SPATS2: variants seen among roughly 807,000 people sequenced by gnomAD.
The protein encoded by SPATS2 is spermatogenesis-associated serine-rich protein 2.
In SPATS2, 38 loss-of-function variants were observed where a neutral mutation model predicts 63.7. The observed-to-expected ratio is 0.60, with a 90% CI of 0.46 to 0.78. The LOEUF is 0.78. SPATS2 is among the 30% of genes least tolerant of loss of function. The probability of loss-of-function intolerance (pLI) is 0.00; values close to 1 mark genes in which losing one functional copy is unlikely to be tolerated. For synonymous variants in SPATS2, 207 were observed against 232.9 expected (o/e 0.89, Z 1.01); for missense variants, 588 against 666.2 (o/e 0.88, Z 1.29).
chr12:49,379,148 C>T (rs541722583), intron 2 of SPATS2, among the ~76,000 whole-genome samples: 2 of 150,060 alleles, frequency 1.3e-5, no homozygotes, highest in African/African-American at 4.9e-5. Flanking sequence ...TCTTGAACTC[C>T]TGACCTCATG....
At chr12:49,468,072 T>G (rs1049862943) in intron 3 of SPATS2, among the ~76,000 whole-genome samples, 6 of 151,878 alleles carry the variant, frequency 4.0e-5, no homozygotes, top group African/African-American at 1.4e-4. Context: ...TTCTCTTTTC[T>G]TTTCTCTCTT....
intron 2 of SPATS2, among the ~76,000 whole-genome samples, chr12:49,391,280 G>A (rs574970586): frequency 2.6e-5 from 4 of 152,326 alleles, no homozygotes; most frequent in Admixed American, 6.5e-5. Context: ...TTGGGAGGCC[G>A]AGGCTGGTGG....
At chr12:49,516,155 AAAAAAAAAAAAATAT>A (rs1409141942) in intron 10 of SPATS2, among the ~76,000 whole-genome samples, 2,607 of 45,846 alleles carry the variant, frequency 0.057, 360 homozygotes, top group African/African-American at 0.19. Context: ...AAAAAAAAAA[AAAAAAAAAAAAATAT>A]ATATATATAT....
chr12:49,389,501 G>T, intron 2 of SPATS2: 2 of 869,606 alleles, frequency 2.3e-6, no homozygotes, highest in Admixed American at 1.7e-5. Context: ...CTAAGAGCAG[G>T]ATATATCTTT....
chr12:49,375,268 A>G (rs1378445913), intron 2 of SPATS2, among the ~76,000 whole-genome samples: 2 of 151,536 alleles, frequency 1.3e-5, no homozygotes, highest in African/African-American at 2.4e-5. Context: ...TGAGGCCATT[A>G]TATGATTGTG....
chr12:49,428,242 G>A (rs796820591), intron 2 of SPATS2, among the ~76,000 whole-genome samples: 2 of 150,472 alleles, frequency 1.3e-5, no homozygotes, highest in African/African-American at 4.9e-5. Flanking sequence ...GCTAAGGAGC[G>A]AGACCCCGTC....
Position 49,485,712 on chromosome 12 carries a change from G to C in SPATS2, c.105+1043G>C, listed in dbSNP as rs150023504. Among the ~76,000 whole-genome samples, 71 of 151,160 alleles carry C rather than the reference G, an allele frequency of 4.7e-4. No individual in the cohort carries two copies. The South Asian group carries it at 0.012, about 26-fold the overall frequency. On this transcript the variant is annotated intron_variant, in intron 4 of 13. Transcript: ENST00000552918. ...ACCAAGTGGTTTTAGTAATGAAACCGTCAACGAGCTGTACTGAGAAAAACA... is the reference window on the plus strand; with the variant it reads ...ACCAAGTGGTTTTAGTAATGAAACCCTCAACGAGCTGTACTGAGAAAAACA...
At chr12:49,385,426 T>A (rs1159682549) in intron 2 of SPATS2, among the ~76,000 whole-genome samples, 1 of 149,910 alleles carries the variant, frequency 6.7e-6, no homozygotes, top group African/African-American at 2.5e-5. Context: ...CAGATTCAGA[T>A]GTAGTGAGGG....
chr12:49,395,210 G>A (rs1944488019), intron 2 of SPATS2, among the ~76,000 whole-genome samples: 1 of 151,110 alleles, frequency 6.6e-6, no homozygotes. Context: ...TGTTCCCCAG[G>A]CTAGTCTCAA....
intron 2 of SPATS2, among the ~76,000 whole-genome samples, chr12:49,408,322 G>A (rs562520227): frequency 3.4e-5 from 5 of 148,926 alleles, no homozygotes; most frequent in Admixed American, 6.8e-5. Flanking sequence ...GCACAATCTC[G>A]GCTCACTGCA....
At chr12:49,507,915 C>G (rs1204666735) in intron 9 of SPATS2, among the ~76,000 whole-genome samples, 1 of 152,190 alleles carries the variant, frequency 6.6e-6, no homozygotes, top group Admixed American at 6.5e-5. Context: ...ATAATAATTG[C>G]TGCCGCTATT....
At chr12:49,490,928 G>A in intron 6 of SPATS2, 197 bp downstream of exon 6, 1 of 516,248 alleles carries the variant, frequency 1.9e-6, no homozygotes, top group Non-Finnish European at 3.4e-6. Context: ...GATCACTTGA[G>A]GTCAGTGGTT....
In SPATS2 at chr12:49,526,691, T is replaced by C. The variant is rs1239765387; in HGVS notation, c.*436T>C. ...GCAATCAGGGGGTTGTATACTGCAC[T>C]GGATTCGCCAGAGAAGGGAAAATTT... is the stretch of plus-strand genomic sequence containing the variant. On this transcript the variant is annotated 3_prime_UTR_variant, in exon 14 of 14. Transcript: ENST00000552918. 1 of 160,816 alleles carries C rather than the reference T, an allele frequency of 6.2e-6. No individual in the cohort carries two copies. Among genetic ancestry groups the C allele is most frequent in the African/African-American group, 2.4e-5 (1 of 41,556 alleles). 10.0% of individuals were successfully genotyped at this position (160,816 alleles called of 1,614,324 possible).
At chr12:49,419,201 G>A (rs894572292) in intron 2 of SPATS2, among the ~76,000 whole-genome samples, 4 of 152,198 alleles carry the variant, frequency 2.6e-5, no homozygotes, top group Non-Finnish European at 4.4e-5. Context: ...AATATTTAAT[G>A]CATGATATGC....
At chr12:49,519,467 C>T (rs1255117477) in intron 11 of SPATS2, among the ~76,000 whole-genome samples, 1 of 152,146 alleles carries the variant, frequency 6.6e-6, no homozygotes, top group African/African-American at 2.4e-5. Context: ...TCCACCACCA[C>T]CATTATGATC....
chr12:49,413,383 T>C (rs1944832682), intron 2 of SPATS2, among the ~76,000 whole-genome samples: 1 of 152,068 alleles, frequency 6.6e-6, no homozygotes, highest in South Asian at 2.1e-4. Context: ...TTTTTAATTT[T>C]AATTTTAATT....
At chr12:49,461,278 A>G (rs1387162750) in intron 3 of SPATS2, 5 of 494,056 alleles carry the variant, frequency 1.0e-5, no homozygotes, top group Non-Finnish European at 1.8e-5. Flanking sequence ...TGCATTTTTG[A>G]ATACTGAACA....
chr12:49,524,151 C>T (rs1057340472), intron 12 of SPATS2, among the ~76,000 whole-genome samples: 2 of 151,998 alleles, frequency 1.3e-5, no homozygotes, highest in Non-Finnish European at 2.9e-5. Context: ...AGAAATTTGG[C>T]AATATACATG....
intron 3 of SPATS2, among the ~76,000 whole-genome samples, chr12:49,475,575 G>C (rs776256806): frequency 1.8e-4 from 28 of 152,034 alleles, no homozygotes; most frequent in Non-Finnish European, 3.7e-4. Flanking sequence ...CGAGTAGCTG[G>C]GATTACAGGT....
Sources: gnomAD v4.1 joint callset for allele counts (sites outside exome capture counted in the v4.1 genomes callset) on GRCh38, gnomAD v4.1.1 for gene constraint, MANE v1.5 for transcripts, NCBI Gene and HGNC (gene_info 2026-07-23, HGNC 2026-07-21) for gene names.